CIMAP1B: variants seen among roughly 807,000 people sequenced by gnomAD.
CIMAP1B encodes orf2 5' to PD-ECGF/TP.
the CIMAP1B span, chr22:50,531,938 A>G: frequency 3.9e-6 from 5 of 1,288,002 alleles, no homozygotes; most frequent in South Asian, 1.2e-4. Flanking sequence ...GCGCCGTCCC[A>G]CCCCTCAATC....
At chr22:50,530,427 G>A in the CIMAP1B span, 2 of 1,496,516 alleles carry the variant, frequency 1.3e-6, no homozygotes, top group Non-Finnish European at 1.8e-6. Context: ...CGGACACGAT[G>A]CGGACTCGCA....
At chr22:50,531,123 C>T in the CIMAP1B span, 22 of 1,588,556 alleles carry the variant, frequency 1.4e-5, 1 homozygote, top group South Asian at 2.3e-4. Flanking sequence ...GGTCCCAGCT[C>T]CCGGAGGGCG....
chr22:50,530,596 C>G, the CIMAP1B span: 1 of 1,567,746 alleles, frequency 6.4e-7, no homozygotes, highest in Non-Finnish European at 8.6e-7. Flanking sequence ...CTCGCGGGGC[C>G]GGCATCCTCT....
the CIMAP1B span, chr22:50,531,177 C>A: frequency 1.2e-6 from 2 of 1,607,810 alleles, no homozygotes; most frequent in Non-Finnish European, 1.7e-6. Context: ...TGGGATGGGC[C>A]GTTCTGACCT....
At chr22:50,531,018 G>T in the CIMAP1B span, 3 of 1,610,666 alleles carry the variant, frequency 1.9e-6, no homozygotes. Flanking sequence ...TGCCGATGAC[G>T]CGCGGACCCA....
chr22:50,531,053 C>T, the CIMAP1B span: 1 of 1,609,460 alleles, frequency 6.2e-7, no homozygotes, highest in Non-Finnish European at 8.5e-7. Flanking sequence ...GTATAGGCCG[C>T]GGGACCTGGG....
At chr22:50,531,146 G>C in the CIMAP1B span, 4 of 1,591,882 alleles carry the variant, frequency 2.5e-6, no homozygotes, top group African/African-American at 2.7e-5. Flanking sequence ...CCCCGGTCTC[G>C]AGTGGGAAGG....
the CIMAP1B span, chr22:50,530,837 C>T: frequency 1.2e-6 from 2 of 1,603,598 alleles, no homozygotes; most frequent in Admixed American, 1.7e-5. Flanking sequence ...ACCTGATAGG[C>T]GCAGGGGCCC....
At chr22:50,530,939 T>C in the CIMAP1B span, 1 of 1,610,848 alleles carries the variant, frequency 6.2e-7, no homozygotes, top group Non-Finnish European at 8.5e-7. Context: ...TCCCCCACCT[T>C]GCTGAGGTCC....
the CIMAP1B span, chr22:50,531,843 C>A: frequency 7.5e-7 from 1 of 1,333,118 alleles, no homozygotes; most frequent in Non-Finnish European, 9.6e-7. Context: ...GACCCTCCCC[C>A]GGCACAGACC....
At chr22:50,531,579 G>C in the CIMAP1B span, 2 of 1,423,328 alleles carry the variant, frequency 1.4e-6, no homozygotes, top group East Asian at 5.4e-5. Flanking sequence ...CCAGGTCCCG[G>C]AGTGAGGAAG....
chr22:50,531,318 G>T, the CIMAP1B span: 1 of 1,581,094 alleles, frequency 6.3e-7, no homozygotes, highest in Non-Finnish European at 8.6e-7. Flanking sequence ...TCAAGGGTGT[G>T]GGGGGCTAGA....
At chr22:50,532,178 A>G in the CIMAP1B span, 1 of 1,283,250 alleles carries the variant, frequency 7.8e-7, no homozygotes, top group South Asian at 2.4e-5. Context: ...CTTTCCCACT[A>G]CCCTGGGATC....
the CIMAP1B span, chr22:50,531,599 C>T: frequency 3.1e-5 from 43 of 1,397,684 alleles, no homozygotes; most frequent in East Asian, 2.3e-4. Flanking sequence ...GGGCGCTGAG[C>T]GGCGTGGGCG....
chr22:50,531,499 CG>C, the CIMAP1B span: 2 of 1,301,608 alleles, frequency 1.5e-6, no homozygotes, highest in Non-Finnish European at 1.0e-6. Flanking sequence ...GGGTTCAGGT[CG>C]GGGGTTCCCA....
chr22:50,530,479 G>T, the CIMAP1B span: 2 of 1,595,012 alleles, frequency 1.3e-6, no homozygotes, highest in Non-Finnish European at 8.5e-7. Context: ...CGCCTGGCGG[G>T]TCAGTTGTCC....
the CIMAP1B span, chr22:50,530,727 G>T: frequency 3.7e-5 from 60 of 1,612,064 alleles, 2 homozygotes; most frequent in South Asian, 2.8e-4. Flanking sequence ...CCACGTTGTA[G>T]GCCGCGGGCC....
At chr22:50,530,596 C>T in the CIMAP1B span, 2 of 1,567,744 alleles carry the variant, frequency 1.3e-6, no homozygotes, top group Non-Finnish European at 1.7e-6. Flanking sequence ...CTCGCGGGGC[C>T]GGCATCCTCT....
chr22:50,531,555 C>T, the CIMAP1B span: 21 of 1,423,780 alleles, frequency 1.5e-5, no homozygotes, highest in East Asian at 4.9e-4. Flanking sequence ...TGGCCAGGGG[C>T]CCGGGGGTCC....
Sources: allele counts gnomAD v4.1 joint callset, GRCh38; gene constraint gnomAD v4.1.1; transcripts MANE v1.5; gene names NCBI Gene and HGNC (gene_info 2026-07-23, HGNC 2026-07-21).